Variants in SIPA1L2 observed in about 807,000 individuals in gnomAD.
The protein encoded by SIPA1L2 is signal induced proliferation associated 1 like 2.
Under a neutral mutation model 163.9 loss-of-function variants are expected in SIPA1L2, and 56 were observed. The ratio of observed to expected loss-of-function variants is 0.34; its 90% CI spans 0.28 to 0.43. The LOEUF is 0.43. Among genes scored for constraint, SIPA1L2 ranks in the 20% least tolerant of loss-of-function variants. The pLI is 1.00. For synonymous variants in SIPA1L2, 877 were observed against 865.7 expected, an observed-to-expected ratio of 1.01 and a Z score of -0.23; for missense variants, 1,974 against 2,193.5, an observed-to-expected ratio of 0.90 and a Z score of 2.00.
At chr1:232,482,268 A>G (rs1665398856) in intron 6 of SIPA1L2, among the ~76,000 whole-genome samples, 1 of 152,176 alleles carries the variant, frequency 6.6e-6, no homozygotes, top group African/African-American at 2.4e-5. Context: ...TTTACAGGTG[A>G]CACAGATCAG....
chr1:232,461,321 G>A (rs1664223958), intron 9 of SIPA1L2, among the ~76,000 whole-genome samples, 160 bp from the exon 10 acceptor site: 1 of 152,212 alleles, frequency 6.6e-6, no homozygotes, highest in Admixed American at 6.5e-5. Context: ...CCAAGTGACA[G>A]GACAAGGACA....
chr1:232,577,062 C>A (rs933062151), intron 1 of SIPA1L2, among the ~76,000 whole-genome samples: 4 of 152,178 alleles, frequency 2.6e-5, no homozygotes, highest in African/African-American at 9.7e-5. Context: ...GAGGGGAAGT[C>A]AATGCCTGGA....
intron 3 of SIPA1L2, among the ~76,000 whole-genome samples, chr1:232,510,210 A>G (rs1050336619): frequency 2.0e-5 from 3 of 148,370 alleles, no homozygotes; most frequent in Non-Finnish European, 4.5e-5. Flanking sequence ...TGGTGCTGGG[A>G]CATTTGGTTT....
chr1:232,513,991 C>G lies in SIPA1L2; in HGVS notation c.1349G>C (p.Cys450Ser), dbSNP rs1667099388. Residue 450 changes from cysteine (C) to serine (S), a missense_variant, in exon 3 of 23, where the codon TGC becomes TCC. Cys to Ser is a moderately radical substitution (Grantham distance 112, BLOSUM62 -1). Transcript: ENST00000674635. ...CAAGACGGAGACACCTGCATTTGTG[C>G]AGTGAGAGCTGAGTGACGATTCGAA... ...CSFESSLSSH[C>S]TNAGVSVLEV... The G allele has an allele frequency of 6.2e-7, 1 of 1,614,076 alleles. No individual in the cohort carries two copies.
At chr1:232,597,452 C>T (rs537962113) in intron 1 of SIPA1L2, among the ~76,000 whole-genome samples, 23 of 149,864 alleles carry the variant, frequency 1.5e-4, no homozygotes, top group Non-Finnish European at 2.1e-4. Context: ...CCAAGGTGGG[C>T]GGATCACAAG....
intron 1 of SIPA1L2, among the ~76,000 whole-genome samples, chr1:232,584,413 C>T (rs1464053561): frequency 6.6e-6 from 1 of 152,136 alleles, no homozygotes; most frequent in Non-Finnish European, 1.5e-5. Context: ...TTAGTAGAGA[C>T]GGGCTTTCAG....
Position 232,514,164 on chromosome 1 carries a change from G to A in SIPA1L2, c.1176C>T (p.Asn392=). The A allele has an allele frequency of 6.2e-7, 1 of 1,614,206 alleles. No individual in the cohort carries two copies. The highest frequency in any genetic ancestry group is 8.5e-7 in the Non-Finnish European group (1 of 1,180,040). Reference sequence around the variant, plus strand: ...TCCCATCACCCTCATCGGCATCCAGGTTCTCTTTGGAGTTGAGGTCCTCCT... The same window carrying A: ...TCCCATCACCCTCATCGGCATCCAGATTCTCTTTGGAGTTGAGGTCCTCCT... ...GSKEDLNSKE[N]LDADEGDGKS... Residue 392 remains asparagine, a synonymous_variant, in exon 3 of 23, where the codon AAC becomes AAT. Transcript: ENST00000674635.
At chr1:232,454,878 A>G (rs1663804587) in intron 10 of SIPA1L2, among the ~76,000 whole-genome samples, 1 of 152,224 alleles carries the variant, frequency 6.6e-6, no homozygotes, top group Non-Finnish European at 1.5e-5. Context: ...AAATAGCCAA[A>G]ATATGAATAA....
chr1:232,428,706 G>C lies in SIPA1L2; in HGVS notation c.4257-142C>G, dbSNP rs147795047. 8.0e-6 allele frequency: 4 copies of C among 498,342 alleles called. No homozygotes were observed. The East Asian group carries it at 1.4e-4, about 17-fold the overall frequency. The allele number at this position is 498,342 out of a possible 1,614,324, so 30.9% of individuals were successfully genotyped here. On this transcript the variant is annotated intron_variant, in intron 16 of 22. Coordinates refer to ENST00000674635, the MANE Select transcript of SIPA1L2 (RefSeq NM_020808.5). Reference sequence around the variant, plus strand: ...TCTTAAGTCAGTTCACTTTTGCTGCGTTTGCTCCAAATTCCCATGCCATTT... The same window carrying C: ...TCTTAAGTCAGTTCACTTTTGCTGCCTTTGCTCCAAATTCCCATGCCATTT...
chr1:232,626,476 A>C (rs1374333333), intron 1 of SIPA1L2, among the ~76,000 whole-genome samples: 1 of 152,206 alleles, frequency 6.6e-6, no homozygotes, highest in East Asian at 1.9e-4. Context: ...CAGTGAGTCA[A>C]GATCTGGCTC....
chr1:232,401,847 C>T (rs925811662), intron 22 of SIPA1L2, among the ~76,000 whole-genome samples: 1 of 152,226 alleles, frequency 6.6e-6, no homozygotes, highest in East Asian at 1.9e-4. Context: ...CACCCCATTC[C>T]GTTTCCCTGG....
intron 7 of SIPA1L2, among the ~76,000 whole-genome samples, chr1:232,472,808 T>C (rs201975155): frequency 1.3e-5 from 2 of 152,246 alleles, no homozygotes; most frequent in Non-Finnish European, 2.9e-5. Flanking sequence ...TAAAGCCTTT[T>C]AAACTCAGAT....
At position 232,421,292 on chromosome 1, in the gene SIPA1L2, C is replaced by CTGCGCACCTGCTCTGGCT. The variant is rs536675738; in HGVS notation, c.4630+4279_4630+4296dup. Among the ~76,000 whole-genome samples the CTGCGCACCTGCTCTGGCT allele has an allele frequency of 2.6e-5, 4 of 152,314 alleles. No individual in the cohort carries two copies. The East Asian group carries it at 5.8e-4, about 22-fold the overall frequency. On this transcript the variant is annotated intron_variant, in intron 18 of 22. Coordinates refer to ENST00000674635, the MANE Select transcript of SIPA1L2 (RefSeq NM_020808.5). ...GGGGGTAGTATCAGGGAACCACTGC[C>CTGCGCACCTGCTCTGGCT]TGCGCACCTGCTCTGGCTTGCGCAC...
intron 2 of SIPA1L2, among the ~76,000 whole-genome samples, chr1:232,571,126 A>G (rs1266088062): frequency 6.6e-6 from 1 of 152,202 alleles, no homozygotes; most frequent in Non-Finnish European, 1.5e-5. Flanking sequence ...TCCAGAATAG[A>G]GATTTAAAAT....
At chr1:232,569,139 G>C (rs777838510) in intron 2 of SIPA1L2, among the ~76,000 whole-genome samples, 3 of 152,102 alleles carry the variant, frequency 2.0e-5, no homozygotes, top group Non-Finnish European at 4.4e-5. Flanking sequence ...TGCCTGAGGT[G>C]GCTACAGCTT....
intron 2 of SIPA1L2, among the ~76,000 whole-genome samples, chr1:232,517,448 C>T (rs369715710): frequency 3.3e-5 from 5 of 152,130 alleles, no homozygotes; most frequent in South Asian, 2.1e-4. Flanking sequence ...CTATTCACCA[C>T]GCTCCACAGG....
chr1:232,563,455 T>C (rs1659159320), intron 2 of SIPA1L2, among the ~76,000 whole-genome samples: 2 of 152,146 alleles, frequency 1.3e-5, no homozygotes. Flanking sequence ...ATTTCTATAG[T>C]ATACACTGCC....
intron 3 of SIPA1L2, among the ~76,000 whole-genome samples, chr1:232,506,577 A>G (rs1666740763): frequency 6.6e-6 from 1 of 152,240 alleles, no homozygotes; most frequent in Admixed American, 6.5e-5. Flanking sequence ...AAGAGAGGTA[A>G]GAGGGTTATT....
intron 1 of SIPA1L2, among the ~76,000 whole-genome samples, chr1:232,618,784 ATAATAC>A (rs1189671556): frequency 6.6e-6 from 1 of 152,244 alleles, no homozygotes; most frequent in Non-Finnish European, 1.5e-5. Context: ...AGTTGCAAAT[ATAATAC>A]TATGTGTATA....
Sources: allele counts gnomAD v4.1 joint callset (sites outside exome capture counted in the v4.1 genomes callset), GRCh38; gene constraint gnomAD v4.1.1; transcripts MANE v1.5; gene names NCBI Gene and HGNC (gene_info 2026-07-23, HGNC 2026-07-21).